Variants in PLXNB1 observed in about 807,000 individuals in gnomAD.
PLXNB1 encodes the protein plexin B1, also known as plexin-B1.
Under a neutral mutation model 209.4 loss-of-function variants are expected in PLXNB1, and 106 were observed. That is an observed-to-expected ratio of 0.51 (90% confidence interval 0.43 to 0.59). PLXNB1 has a LOEUF of 0.59. PLXNB1 is among the 20% of genes least tolerant of loss of function. The pLI is 0.00. For missense variants in PLXNB1, 2,357 were observed against 2,853.2 expected (o/e 0.83, Z 3.96); for synonymous variants, 1,167 against 1,183.2 (o/e 0.99, Z 0.28).
At position 48,414,216 on chromosome 3, in the gene PLXNB1, C is replaced by T. The variant is rs1015887239; in HGVS notation, c.4210-145G>A. On this transcript the variant is annotated intron_variant, in intron 21 of 37. Coordinates refer to ENST00000296440, the MANE Select transcript of PLXNB1 (RefSeq NM_001130082.3). ...CCTTCCCGAGTGCAGGCCAGTCACA[C>T]GGTGTCCTCCAAGCTGCTCCTCATC... 10 of 708,242 alleles carry T rather than the reference C, an allele frequency of 1.4e-5. No individual in the cohort carries two copies. In the Middle Eastern group the frequency reaches 7.3e-4, roughly 51 times the overall value. The allele number at this position is 708,242 out of a possible 1,614,324, so 43.9% of individuals were successfully genotyped here. A position where few individuals can be genotyped will look rare whatever the true frequency, so the allele number is the denominator to read the frequency against.
rs1205801815 is a variant in PLXNB1 at position 48,416,468 on chromosome 3, G to C, written c.3375-17C>G. On this transcript the variant is annotated splice_polypyrimidine_tract_variant and intron_variant, in intron 16 of 37. Transcript: ENST00000296440. The surrounding 1 kb of genome is among the most constrained non-coding windows in gnomAD (Gnocchi z 4.1). The stretch of plus-strand genomic sequence containing the variant: ...CACACGAGGCTGTAGGCACAGGGCA[G>C]GCTAGGGGGTGCCAGGCTGCATCAA... 1 of 1,577,162 alleles carries C rather than the reference G, an allele frequency of 6.3e-7. No homozygotes were observed.
At chr3:48,420,379 GC>G (rs2038427745) in intron 10 of PLXNB1, 122 bp from the exon 11 acceptor site, 2 of 667,418 alleles carry the variant, frequency 3.0e-6, no homozygotes, top group African/African-American at 3.6e-5. Flanking sequence ...AATAAAAACA[GC>G]CCATTAATTC....
intron 2 of PLXNB1, 62 bp from the exon 3 acceptor site, chr3:48,424,679 C>T: frequency 6.7e-7 from 1 of 1,490,970 alleles, no homozygotes; most frequent in African/African-American, 1.4e-5. Context: ...CCTGGGGCCA[C>T]TGGTAAGGGA....
At position 48,413,903 on chromosome 3, in the gene PLXNB1, C is replaced by G. The variant is rs1488416987; in HGVS notation, c.4378G>C (p.Glu1460Gln). 1.9e-6 allele frequency: 3 copies of G among 1,608,422 alleles called. No homozygotes were observed. The African/African-American group carries it at 4.0e-5, about 21-fold the overall frequency. The change falls in exon 22 of 38, where the codon GAG becomes CAG. Residue 1460 changes from glutamate to glutamine, a missense_variant. Physicochemically the swap from Glu to Gln is conservative, Grantham distance 29. Around this residue, in one of 7 missense-constraint regions of PLXNB1, gnomAD observed 743 missense variants for 896.2 expected, o/e 0.83. Coordinates refer to ENST00000296440, the MANE Select transcript of PLXNB1 (RefSeq NM_001130082.3). The surrounding 1 kb of genome is among the most constrained non-coding windows in gnomAD (Gnocchi z 5.4). ...GGGACCTGCCCACTGACCGTGAACT[C>G]AGGCAAAGAGTCAGGTGCCTCTCGG... Reference protein sequence around the residue: ...ALREAPDSLPEFTVQMGNLRF... With the variant: ...ALREAPDSLPQFTVQMGNLRF...
rs375084462 is a variant in PLXNB1 at position 48,423,897 on chromosome 3, C to A, written c.715G>T (p.Ala239Ser). ...TAGGCACGAAAAGCTCTAGACTGAG[C>A]CTGCAGGTCCCGCCGCAGGAACAGG... ...YFLFLRRDLQAQSRAFRAYVS... is the reference protein window; with the variant it reads ...YFLFLRRDLQSQSRAFRAYVS... The change falls in exon 3 of 38, where the codon GCT becomes TCT. Residue 239 changes from alanine to serine, a missense_variant. By Grantham distance (99) the Ala-to-Ser change is moderately conservative. Transcript: ENST00000296440. 1.2e-6 allele frequency: 2 copies of A among 1,614,016 alleles called. No homozygotes were observed. The highest frequency in any genetic ancestry group is 1.7e-6 in the Non-Finnish European group (2 of 1,179,996).
Position 48,413,961 on chromosome 3 carries a change from G to T in PLXNB1, c.4320C>A (p.Pro1440=), listed in dbSNP as rs374830271. Residue 1440 remains proline, a synonymous_variant, in exon 22 of 38, where the codon CCC becomes CCA. Coordinates refer to ENST00000296440, the MANE Select transcript of PLXNB1 (RefSeq NM_001130082.3). This position sits in a 1 kb window ranked among gnomAD's most constrained non-coding sequence, Gnocchi z 5.4. ...LTRHHLYCEP[P]VEQPLPRHHA... ...GGTGCCGTGGCAGGGGCTGCTCCAC[G>T]GGGGGCTCGCAGTACAGGTGGTGCC... The T allele has an allele frequency of 1.2e-6, 2 of 1,613,332 alleles. No individual in the cohort carries two copies. Among genetic ancestry groups the T allele is most frequent in the South Asian group, 1.1e-5 (1 of 91,056 alleles).
intron 21 of PLXNB1, 62 bp from the exon 22 acceptor site, chr3:48,414,133 A>T: frequency 2.0e-6 from 3 of 1,529,160 alleles, no homozygotes; most frequent in Non-Finnish European, 2.7e-6. Context: ...GTCCTCCCCA[A>T]ATGTGGGAAG....
chr3:48,416,375 C>T lies in PLXNB1; in HGVS notation c.3451G>A (p.Gly1151Ser). 3 of 1,613,000 alleles carry T rather than the reference C, an allele frequency of 1.9e-6. No homozygotes were observed. Among genetic ancestry groups the T allele is most frequent in the Non-Finnish European group, 2.5e-6 (3 of 1,179,824 alleles). The change falls in exon 17 of 38, where the codon GGT (glycine) becomes AGT (serine). Residue 1151 changes from glycine (G) to serine (S), a missense_variant. Transcript: ENST00000296440. The surrounding 1 kb of genome is among the most constrained non-coding windows in gnomAD (Gnocchi z 4.1). ...TAGGCAAAGTCGTGTTCTGAGACAC[C>T]ACGTCCTCTTCCCGGCACCTCCACC... ...TAVEVPGRGR[G>S]VSEHDFAYQD... is the part of the protein sequence containing the mutation.
chr3:48,413,551 A>T lies in PLXNB1; in HGVS notation c.4535+119T>A, dbSNP rs2037844866. 2.6e-6 allele frequency: 3 copies of T among 1,142,888 alleles called. No individual in the cohort carries two copies. The East Asian group carries it at 7.9e-5, about 30-fold the overall frequency. 70.8% of individuals were successfully genotyped at this position (1,142,888 alleles called of 1,614,324 possible). A position where few individuals can be genotyped will look rare whatever the true frequency, so the allele number is the denominator to read the frequency against. On this transcript the variant is annotated intron_variant, in intron 23 of 37. Coordinates refer to ENST00000296440, the MANE Select transcript of PLXNB1 (RefSeq NM_001130082.3). The surrounding 1 kb of genome is among the most constrained non-coding windows in gnomAD (Gnocchi z 5.4). ...AGACCACTTGGCCTGCAAAGCGAAA[A>T]TATTTACTCTCTGGCCATTTACAGA...
At position 48,412,498 on chromosome 3, in the gene PLXNB1, C is replaced by G. The variant is rs779430233; in HGVS notation, c.4977G>C (p.Leu1659=). Reference sequence around the variant, plus strand: ...CATACTGGGCAACCAGGTCACTGAGCAGAGTGCGGAGGATGTCAGTGAAAT... The same window carrying G: ...CATACTGGGCAACCAGGTCACTGAGGAGAGTGCGGAGGATGTCAGTGAAAT... ...LEYFTDILRT[L]LSDLVAQYVA... The change falls in exon 26 of 38, where the codon CTG becomes CTC. Residue 1659 remains leucine, a synonymous_variant. Transcript: ENST00000296440. 1.2e-6 allele frequency: 2 copies of G among 1,613,566 alleles called. No homozygotes were observed. Among genetic ancestry groups the G allele is most frequent in the Non-Finnish European group, 1.7e-6 (2 of 1,180,042 alleles).
chr3:48,414,434 A>G (rs1020485605), intron 21 of PLXNB1, among the ~76,000 whole-genome samples: 2 of 152,142 alleles, frequency 1.3e-5, no homozygotes, highest in South Asian at 2.1e-4. Context: ...CCCACTGTGT[A>G]TGTCCAAGAC....
Position 48,421,812 on chromosome 3 carries a change from C to T in PLXNB1, c.1521-6G>A, listed in dbSNP as rs371034172. On this transcript the variant is annotated splice_polypyrimidine_tract_variant and splice_region_variant and intron_variant, in intron 6 of 37. Coordinates refer to ENST00000296440, the MANE Select transcript of PLXNB1 (RefSeq NM_001130082.3). ...ACTCAGAACGGCGACTGCACCTGGG[C>T]GAGATGACCAGTGTCTATCTGTGAC... The T allele has an allele frequency of 2.4e-4, 390 of 1,593,988 alleles. No individual in the cohort carries two copies. The highest frequency in any genetic ancestry group is 3.2e-4 in the Admixed American group (19 of 59,340).
intron 34 of PLXNB1, among the ~76,000 whole-genome samples, chr3:48,407,848 C>G (rs1319999380): frequency 2.6e-5 from 4 of 152,198 alleles, no homozygotes; most frequent in Non-Finnish European, 4.4e-5. Context: ...CTGGAAGGAT[C>G]TGGCAAAAAT....
In PLXNB1 at chr3:48,416,125, C is replaced by A; in HGVS notation, c.3523G>T (p.Ala1175Ser). 1 of 1,599,332 alleles carries A rather than the reference C, an allele frequency of 6.3e-7. No individual in the cohort carries two copies. Among genetic ancestry groups the A allele is most frequent in the African/African-American group, 1.3e-5 (1 of 74,738 alleles). ...TTCAGGGTGAGACGGGTGCCCCCAG[C>A]TCTGGGGCCGCGGGCCGGGAAGATG... ...HSIFPARGPR[A>S]GGTRLTLNGS... Residue 1175 changes from alanine (A) to serine (S), a missense_variant, in exon 18 of 38, where the codon GCT (alanine) becomes TCT (serine). Ala to Ser is a moderately conservative substitution (Grantham distance 99, BLOSUM62 1). Transcript: ENST00000296440. This position sits in a 1 kb window ranked among gnomAD's most constrained non-coding sequence, Gnocchi z 4.1.
Position 48,409,531 on chromosome 3 carries a change from C to G in PLXNB1, c.5939+40G>C, listed in dbSNP as rs775908735. ...TGTGCTGGGGAGGCAGAAGAGAAGA[C>G]CCCCCACACACACCTAGAGCCCACC... On this transcript the variant is annotated intron_variant, in intron 33 of 37. Transcript: ENST00000296440. This position sits in a 1 kb window ranked among gnomAD's most constrained non-coding sequence, Gnocchi z 5.8. 2 of 1,613,690 alleles carry G rather than the reference C, an allele frequency of 1.2e-6. No homozygotes were observed. The highest frequency in any genetic ancestry group is 1.7e-5 in the Admixed American group (1 of 60,014).
chr3:48,412,689 C>A, intron 25 of PLXNB1, 53 bp downstream of exon 25: 2 of 1,605,984 alleles, frequency 1.2e-6, no homozygotes, highest in Non-Finnish European at 1.7e-6. Context: ...GAAACCATGC[C>A]CTGGAGAAGG....
At chr3:48,421,611 C>A in intron 7 of PLXNB1, 63 bp downstream of exon 7, 2 of 1,497,568 alleles carry the variant, frequency 1.3e-6, no homozygotes, top group South Asian at 1.2e-5. Flanking sequence ...GATCCAAGAT[C>A]TCTACCCAGA....
intron 21 of PLXNB1, among the ~76,000 whole-genome samples, chr3:48,414,390 T>C (rs1266282667): frequency 1.3e-5 from 2 of 152,172 alleles, no homozygotes; most frequent in African/African-American, 4.8e-5. Flanking sequence ...TGATGCTGTA[T>C]CAACCTGTGG....
chr3:48,424,214 CGCA>C lies in PLXNB1; in HGVS notation c.395_397del (p.Leu132del). The C allele has an allele frequency of 6.3e-7, 1 of 1,599,984 alleles. No homozygotes were observed. On this transcript the variant is annotated inframe_deletion, in exon 3 of 38. Coordinates refer to ENST00000296440, the MANE Select transcript of PLXNB1 (RefSeq NM_001130082.3). ...TTGTGTGTCCCCAGGCCGCTCTGGC[CGCA>C]GCAGCAGCTGCTCGAGCTGCCCCAG...
Sources: gnomAD v4.1 joint callset for allele counts (sites outside exome capture counted in the v4.1 genomes callset) on GRCh38, gnomAD v4.1.1 for gene constraint, gnomAD v4.1.1 regional missense constraint, Gnocchi (gnomAD v3.1) non-coding constraint, MANE v1.5 for transcripts, NCBI Gene and HGNC (gene_info 2026-07-23, HGNC 2026-07-21) for gene names.